The following NCAM1 variants were observed in gnomAD, a reference collection of about 807,000 sequenced individuals.
The protein encoded by NCAM1 is antigen recognized by monoclonal antibody 5.1H11.
NCAM1 carries 14 observed loss-of-function variants against 109.8 expected under a neutral mutation model. The observed-to-expected ratio is 0.13, with a 90% confidence interval of 0.08 to 0.20. The LOEUF is 0.20. Among genes scored for constraint, NCAM1 ranks in the 10% least tolerant of loss-of-function variants. The pLI, the probability that NCAM1 is intolerant of heterozygous loss-of-function variation, is 1.00. For synonymous variants in NCAM1, 418 were observed against 442.9 expected, an observed-to-expected ratio of 0.94 and a Z score of 0.70; for missense variants, 774 against 1,109.9, an observed-to-expected ratio of 0.70 and a Z score of 4.30.
chr11:113,128,007 A>G (rs1333968753), intron 1 of NCAM1, among the ~76,000 whole-genome samples: 4 of 152,164 alleles, frequency 2.6e-5, no homozygotes, highest in Non-Finnish European at 5.9e-5. Flanking sequence ...TCCCTGTGGC[A>G]TGCTCACCAG....
chr11:113,194,851 C>T (rs1943806826), intron 1 of NCAM1, among the ~76,000 whole-genome samples: 1 of 152,066 alleles, frequency 6.6e-6, no homozygotes, highest in Non-Finnish European at 1.5e-5. Flanking sequence ...CCAAGGGCTT[C>T]GTTATAAACT....
intron 1 of NCAM1, among the ~76,000 whole-genome samples, chr11:113,189,464 A>AG (rs1233457399): frequency 1.1e-4 from 17 of 150,364 alleles, no homozygotes; most frequent in African/African-American, 4.2e-4. Flanking sequence ...AAAAAAAAAA[A>AG]AAAGAAAAGA....
chr11:113,271,879 A>T lies in NCAM1; in HGVS notation c.2456+3A>T. 1 of 1,557,788 alleles carries T rather than the reference A, an allele frequency of 6.4e-7. No individual in the cohort carries two copies. Among genetic ancestry groups the T allele is most frequent in the Non-Finnish European group, 8.7e-7 (1 of 1,151,182 alleles). Reference sequence around the variant, plus strand: ...ACCACGCCACTGACGGAGCCCGAGTACGTGGGCTGGGAGGGGCTGGCACCT... The same window carrying T: ...ACCACGCCACTGACGGAGCCCGAGTTCGTGGGCTGGGAGGGGCTGGCACCT... On this transcript the variant is annotated splice_donor_region_variant and intron_variant, in intron 19 of 19. Coordinates refer to ENST00000316851, the MANE Select transcript of NCAM1 (RefSeq NM_181351.5).
intron 1 of NCAM1, among the ~76,000 whole-genome samples, chr11:113,090,536 G>A (rs1432065111): frequency 6.6e-6 from 1 of 152,172 alleles, no homozygotes; most frequent in Non-Finnish European, 1.5e-5. Context: ...CTCCATAGAT[G>A]CAATGCCTAA....
At chr11:113,228,723 A>C (rs1182729608) in intron 9 of NCAM1, among the ~76,000 whole-genome samples, 3 of 152,356 alleles carry the variant, frequency 2.0e-5, no homozygotes, top group Middle Eastern at 6.8e-3. Context: ...TGGTACTGGT[A>C]CCAAAACAGA....
At chr11:113,241,127 G>C (rs1338569512) in intron 14 of NCAM1, among the ~76,000 whole-genome samples, 3 of 152,240 alleles carry the variant, frequency 2.0e-5, no homozygotes, top group African/African-American at 7.2e-5. Context: ...TCAGGATTCT[G>C]AGTGGGCTGG....
chr11:113,101,889 T>C (rs990249838), intron 1 of NCAM1, among the ~76,000 whole-genome samples: 2 of 152,204 alleles, frequency 1.3e-5, no homozygotes, highest in Admixed American at 6.5e-5. Flanking sequence ...TTTTATGACA[T>C]AAATAAGTTG....
At chr11:113,216,211 C>A (rs539634684) in intron 8 of NCAM1, among the ~76,000 whole-genome samples, 1 of 144,246 alleles carries the variant, frequency 6.9e-6, no homozygotes, top group Non-Finnish European at 1.5e-5. Context: ...TGCAGTGGCG[C>A]GATCTCGGCT....
At chr11:112,973,265 T>C (rs1368522128) in intron 1 of NCAM1, among the ~76,000 whole-genome samples, 1 of 152,140 alleles carries the variant, frequency 6.6e-6, no homozygotes, top group Non-Finnish European at 1.5e-5. Flanking sequence ...TCAATTTGAG[T>C]GTCCATTCTG....
intron 1 of NCAM1, among the ~76,000 whole-genome samples, chr11:113,005,809 G>T (rs1348814008): frequency 3.9e-5 from 6 of 152,168 alleles, no homozygotes; most frequent in African/African-American, 1.4e-4. Context: ...GAAAATAGAA[G>T]TTAAGAATGT....
At chr11:113,216,308 C>T (rs1944529178) in intron 8 of NCAM1, among the ~76,000 whole-genome samples, 1 of 151,986 alleles carries the variant, frequency 6.6e-6, no homozygotes, top group Non-Finnish European at 1.5e-5. Flanking sequence ...CGCCACCTCG[C>T]CCGGCTAATT....
At chr11:113,231,375 C>A in intron 9 of NCAM1, 1 of 1,335,666 alleles carries the variant, frequency 7.5e-7, no homozygotes, top group Non-Finnish European at 1.0e-6. Context: ...TAGCCCCAAA[C>A]CAATCTTGGT....
chr11:113,226,801 G>A (rs1179875960), intron 9 of NCAM1, among the ~76,000 whole-genome samples: 1 of 152,188 alleles, frequency 6.6e-6, no homozygotes, highest in Non-Finnish European at 1.5e-5. Context: ...CAACTACATG[G>A]AAACTGAACA....
In NCAM1 at chr11:113,037,101, ATACCACACCAATGC is replaced by A. The variant is rs1952912132; in HGVS notation, c.52+75438_52+75451del. 1.3e-5 allele frequency among the ~76,000 whole-genome samples: 2 copies of A among 152,196 alleles called. 1 individual carries two copies. ...TATCTGAGTTTTTATCAGGTACCTG[ATACCACACCAATGC>A]CTTAGAATTAACACCCACATCAAAT... On this transcript the variant is annotated intron_variant, in intron 1 of 19. Coordinates refer to ENST00000316851, the MANE Select transcript of NCAM1 (RefSeq NM_181351.5).
chr11:113,021,627 G>A (rs1164307968), intron 1 of NCAM1, among the ~76,000 whole-genome samples: 1 of 152,080 alleles, frequency 6.6e-6, no homozygotes, highest in African/African-American at 2.4e-5. Context: ...ATCAATTAAA[G>A]CCCTCAAAAT....
At chr11:113,044,040 A>G (rs1953176964) in intron 1 of NCAM1, among the ~76,000 whole-genome samples, 1 of 152,044 alleles carries the variant, frequency 6.6e-6, no homozygotes, top group Non-Finnish European at 1.5e-5. Context: ...TATTTGATCA[A>G]TGTCAATAAC....
intron 1 of NCAM1, among the ~76,000 whole-genome samples, chr11:113,173,450 A>AT (rs1555106547): frequency 6.6e-6 from 1 of 151,760 alleles, no homozygotes; most frequent in Non-Finnish European, 1.5e-5. Context: ...CTGGGCTAGA[A>AT]TGGGGGTCTG....
chr11:113,217,563 G>A (rs1222775573), intron 8 of NCAM1, among the ~76,000 whole-genome samples: 1 of 151,766 alleles, frequency 6.6e-6, no homozygotes, highest in Non-Finnish European at 1.5e-5. Context: ...CTGCCTCTTT[G>A]ATCTGGATGC....
At chr11:113,170,096 G>A (rs4143165) in intron 1 of NCAM1, among the ~76,000 whole-genome samples, 32,694 of 151,894 alleles carry the variant, frequency 0.22, 4,507 homozygotes, top group African/African-American at 0.38. Flanking sequence ...TTTTCAAATC[G>A]TTTGACAATT....
Sources: gnomAD v4.1 joint callset for allele counts (sites outside exome capture counted in the v4.1 genomes callset) on GRCh38, gnomAD v4.1.1 for gene constraint, MANE v1.5 for transcripts, NCBI Gene and HGNC (gene_info 2026-07-23, HGNC 2026-07-21) for gene names.